The following DHRSX variants were observed in gnomAD, a reference collection of about 807,000 sequenced individuals.
DHRSX encodes dehydrogenase/reductase X-linked.
In DHRSX, 31 loss-of-function variants were observed where a neutral mutation model predicts 34.0. That is an observed-to-expected ratio of 0.91 (90% CI 0.69 to 1.23). The LOEUF is 1.23. DHRSX is among the 50% of genes most tolerant of loss of function. The pLI is 0.00. For synonymous variants in DHRSX, 201 were observed against 183.8 expected (o/e 1.09, Z -0.76); for missense variants, 414 against 428.1 (o/e 0.97, Z 0.29).
chrX:2,370,075 C>G (rs1177546536), intron 3 of DHRSX, among the ~76,000 whole-genome samples: 1 of 152,152 alleles, frequency 6.6e-6, no homozygotes, highest in Non-Finnish European at 1.5e-5. Flanking sequence ...CAAGTGGGCA[C>G]AGATGAACCA....
intron 1 of DHRSX, among the ~76,000 whole-genome samples, chrX:2,483,347 T>G: frequency 6.6e-6 from 1 of 152,142 alleles, no homozygotes; most frequent in East Asian, 1.9e-4. Context: ...CACTGCAGCC[T>G]CCAACTCCCA....
At chrX:2,348,962 G>A (rs2042753554) in intron 3 of DHRSX, among the ~76,000 whole-genome samples, 1 of 152,042 alleles carries the variant, frequency 6.6e-6, no homozygotes, top group African/African-American at 2.4e-5. Flanking sequence ...CCAAAGTGCT[G>A]GGATTACAAG....
intron 1 of DHRSX, among the ~76,000 whole-genome samples, chrX:2,492,060 G>C (rs367753590): frequency 1.3e-5 from 2 of 152,214 alleles, no homozygotes; most frequent in Non-Finnish European, 2.9e-5. Flanking sequence ...CACGTTCAGA[G>C]TGTTGGGATA....
chrX:2,276,635 A>C (rs1479242262), intron 4 of DHRSX, among the ~76,000 whole-genome samples: 1 of 151,728 alleles, frequency 6.6e-6, no homozygotes, highest in Non-Finnish European at 1.5e-5. Flanking sequence ...CAGTGAACAC[A>C]GGTGAGGTGT....
chrX:2,468,092 C>A (rs2044525202), intron 1 of DHRSX, among the ~76,000 whole-genome samples: 1 of 152,092 alleles, frequency 6.6e-6, no homozygotes. Flanking sequence ...CTGTCATCCT[C>A]CCAAGTCTAC....
In DHRSX at chrX:2,299,727, C is replaced by T. The variant is rs184617937; in HGVS notation, c.287-8124G>A. Among the ~76,000 whole-genome samples, 101 of 151,872 alleles carry T rather than the reference C, an allele frequency of 6.7e-4. 1 individual carries two copies. Among genetic ancestry groups the T allele is most frequent in the Admixed American group, 1.2e-3 (18 of 15,248 alleles). On this transcript the variant is annotated intron_variant, in intron 3 of 6. Coordinates refer to ENST00000334651, the MANE Select transcript of DHRSX (RefSeq NM_145177.3). ...AAAATTAGCCAGGTGTGGTGGTGCA[C>T]GCCTGTAATCCCAGATACTCGGGAG...
At position 2,455,754 on chromosome X, in the gene DHRSX, A is replaced by C. The variant is rs2044287434; in HGVS notation, c.110-30450T>G. On this transcript the variant is annotated intron_variant, in intron 1 of 6. Transcript: ENST00000334651. Reference sequence around the variant, plus strand: ...AAAACTTCGTCTCAAAAAAAAAAAAAAAAAAAACAATAAAAAGCACACACA... The same window carrying C: ...AAAACTTCGTCTCAAAAAAAAAAAACAAAAAAACAATAAAAAGCACACACA... Among the ~76,000 whole-genome samples the C allele has an allele frequency of 4.0e-5, 6 of 151,696 alleles. No individual in the cohort carries two copies. In the South Asian group the frequency reaches 1.2e-3, roughly 32 times the overall value.
intron 6 of DHRSX, among the ~76,000 whole-genome samples, chrX:2,242,735 G>A (rs1023410348): frequency 1.6e-4 from 24 of 152,066 alleles, no homozygotes; most frequent in Middle Eastern, 3.4e-3. Context: ...TACCCTCTAC[G>A]GTCTAAAAAG....
intron 5 of DHRSX, among the ~76,000 whole-genome samples, chrX:2,246,706 G>GAGAGAGAA (rs2016296417): frequency 9.3e-6 from 1 of 107,404 alleles, no homozygotes; most frequent in African/African-American, 3.4e-5. Context: ...AAGAAAGAAA[G>GAGAGAGAA]AGAAAGAAAG....
At chrX:2,374,448 T>C (rs7876135) in intron 3 of DHRSX, among the ~76,000 whole-genome samples, 29,472 of 139,984 alleles carry the variant, frequency 0.21, 4,607 homozygotes, top group Non-Finnish European at 0.33. Context: ...TAAAAATAGC[T>C]GGGTGAGCAG....
chrX:2,457,816 G>A (rs2044328060), intron 1 of DHRSX, among the ~76,000 whole-genome samples: 3 of 148,836 alleles, frequency 2.0e-5, no homozygotes, highest in South Asian at 2.1e-4. Flanking sequence ...CACTGAAGAC[G>A]TTCCCTAAGC....
rs1176438411 is a variant in DHRSX at position 2,376,284 on chromosome X, T to C, written c.286+32461A>G. On this transcript the variant is annotated intron_variant, in intron 3 of 6. Transcript: ENST00000334651. ...GTGTGTGTATGTGTCTGAGTGTGCA[T>C]GTATGTCTACACTTGCCATAAACGA... 8.0e-5 allele frequency among the ~76,000 whole-genome samples: 11 copies of C among 137,690 alleles called. 5 individuals are homozygous for C. The highest frequency in any genetic ancestry group is 1.5e-4 in the Non-Finnish European group (9 of 58,322). 90.3% of individuals were successfully genotyped at this position (137,690 alleles called of 152,430 possible). A position where few individuals can be genotyped will look rare whatever the true frequency, so the allele number is the denominator to read the frequency against.
chrX:2,417,331 G>T (rs17842920), intron 2 of DHRSX, among the ~76,000 whole-genome samples: 22,618 of 152,176 alleles, frequency 0.15, 1,798 homozygotes, highest in Middle Eastern at 0.18. Flanking sequence ...AAAGTCCTCA[G>T]TCAACTAGAC....
At position 2,324,831 on chromosome X, in the gene DHRSX, T is replaced by G. The variant is rs184370215; in HGVS notation, c.287-33228A>C. ...TCGCCCAGGCTGGAGTGTAGTGGCG[T>G]GATGTTCGCTCATTGCAACCTCCGC... On this transcript the variant is annotated intron_variant, in intron 3 of 6. Coordinates refer to ENST00000334651, the MANE Select transcript of DHRSX (RefSeq NM_145177.3). Among the ~76,000 whole-genome samples, 30 of 148,222 alleles carry G rather than the reference T, an allele frequency of 2.0e-4. No individual in the cohort carries two copies. The East Asian group carries it at 5.7e-3, about 28-fold the overall frequency.
intron 3 of DHRSX, among the ~76,000 whole-genome samples, chrX:2,368,000 T>C (rs1037726637): frequency 6.6e-6 from 1 of 152,018 alleles, no homozygotes. Context: ...CCCAGCACTT[T>C]GGGAGGCCGA....
intron 3 of DHRSX, among the ~76,000 whole-genome samples, chrX:2,335,244 C>CATGTGAGTGGCTAGTTTCTGCCTGAGAA (rs2042541427): frequency 1.3e-5 from 2 of 151,434 alleles, no homozygotes; most frequent in Admixed American, 1.3e-4. Context: ...CATGACACAG[C>CATGTGAGTGGCTAGTTTCTGCCTGAGAA]CTCAGGTGGT....
At chrX:2,431,318 C>G (rs1055740439) in intron 1 of DHRSX, among the ~76,000 whole-genome samples, 2 of 132,864 alleles carry the variant, frequency 1.5e-5, no homozygotes, top group Non-Finnish European at 3.1e-5. Flanking sequence ...GAGCTAGACT[C>G]CATCTCACAA....
chrX:2,238,173 G>A (rs970251984), intron 6 of DHRSX, among the ~76,000 whole-genome samples: 2 of 152,082 alleles, frequency 1.3e-5, no homozygotes, highest in African/African-American at 4.8e-5. Flanking sequence ...GGACAACATA[G>A]CAAGACCTCG....
At chrX:2,233,824 T>C (rs778408150) in intron 6 of DHRSX, among the ~76,000 whole-genome samples, 15 of 151,752 alleles carry the variant, frequency 9.9e-5, no homozygotes, top group African/African-American at 3.6e-4. Flanking sequence ...GTGTACTAAA[T>C]AGAGCCACAA....
Sources: allele counts gnomAD v4.1 joint callset (sites outside exome capture counted in the v4.1 genomes callset), GRCh38; gene constraint gnomAD v4.1.1; transcripts MANE v1.5; gene names NCBI Gene and HGNC (gene_info 2026-07-23, HGNC 2026-07-21).